Variants in EIF4E2 observed in about 807,000 individuals in gnomAD.
The protein encoded by EIF4E2 is eukaryotic translation initiation factor 4E family member 2.
In EIF4E2, 13 loss-of-function variants were observed where a neutral mutation model predicts 34.2. That is an observed-to-expected ratio of 0.38 (90% CI 0.25 to 0.60). The LOEUF (loss-of-function observed/expected upper bound fraction) is 0.60, where lower values mean the gene tolerates loss of function less well. Among genes scored for constraint, EIF4E2 ranks in the 20% least tolerant of loss-of-function variants. EIF4E2 has a pLI of 0.62. For synonymous variants in EIF4E2, 100 were observed against 106.6 expected (o/e 0.94, Z 0.38); for missense variants, 222 against 315.1 (o/e 0.70, Z 2.24).
At chr2:232,579,364 G>A (rs1279637300) in intron 6 of EIF4E2, among the ~76,000 whole-genome samples, 7 of 152,202 alleles carry the variant, frequency 4.6e-5, no homozygotes, top group Non-Finnish European at 8.8e-5. Flanking sequence ...GAAGTGCTAA[G>A]TAGCCATTGA....
chr2:232,560,396 C>T (rs1692680061), intron 3 of EIF4E2, among the ~76,000 whole-genome samples: 1 of 152,174 alleles, frequency 6.6e-6, no homozygotes, highest in Admixed American at 6.5e-5. Flanking sequence ...TTATAAAATT[C>T]TTAGAAGAAA....
At chr2:232,557,793 G>T in intron 2 of EIF4E2, 91 bp from the exon 3 acceptor site, 1 of 1,396,066 alleles carries the variant, frequency 7.2e-7, no homozygotes, top group Admixed American at 2.0e-5. Context: ...TTTAATTGTG[G>T]AGGTGGTAAG....
chr2:232,570,235 C>T (rs79139432), downstream of EIF4E2, among the ~76,000 whole-genome samples: 5,268 of 152,142 alleles, frequency 0.035, 117 homozygotes, highest in Non-Finnish European at 0.054. Context: ...AGGATTAGCA[C>T]TGTGGGCTCA....
chr2:232,577,665 C>G (rs1022564131), intron 6 of EIF4E2, among the ~76,000 whole-genome samples: 1 of 152,224 alleles, frequency 6.6e-6, no homozygotes, highest in Non-Finnish European at 1.5e-5. Context: ...GGAAGCCAGT[C>G]TGAATGGGGC....
intron 1 of EIF4E2, among the ~76,000 whole-genome samples, chr2:232,553,419 AG>A (rs2106233376): frequency 1.6e-5 from 1 of 61,010 alleles, no homozygotes; most frequent in South Asian, 7.7e-4. Context: ...CATTAAACGG[AG>A]ATTTTTTTTT....
chr2:232,562,010 T>C (rs1354450687), intron 3 of EIF4E2, among the ~76,000 whole-genome samples: 1 of 151,954 alleles, frequency 6.6e-6, no homozygotes, highest in Non-Finnish European at 1.5e-5. Flanking sequence ...AATCCAGGAC[T>C]TCAAGACCAG....
intron 3 of EIF4E2, among the ~76,000 whole-genome samples, chr2:232,559,080 G>A (rs1474870885): frequency 6.7e-6 from 1 of 149,732 alleles, no homozygotes; most frequent in Admixed American, 6.8e-5. Context: ...AGAAACTACG[G>A]GGGAGCGGGG....
At chr2:232,570,008 T>G (rs1693054654), downstream of EIF4E2, among the ~76,000 whole-genome samples, 2 of 152,244 alleles carry the variant, frequency 1.3e-5, no homozygotes, top group Admixed American at 6.5e-5. Context: ...CATGCTACTT[T>G]AGGTTTTCTT....
chr2:232,563,532 A>G (rs1550098), intron 3 of EIF4E2, among the ~76,000 whole-genome samples: 73,636 of 152,082 alleles, frequency 0.48, 18,094 homozygotes, highest in Middle Eastern at 0.62. Flanking sequence ...AAGGAGAAAC[A>G]TAATTTTTCT....
chr2:232,568,380 C>T (rs899148022), intron 6 of EIF4E2: 37 of 985,272 alleles, frequency 3.8e-5, no homozygotes, highest in Non-Finnish European at 3.7e-5. Context: ...ATCATAGTCA[C>T]GAACAGTTAT....
At chr2:232,565,457 A>G (rs1574668873) in intron 4 of EIF4E2, among the ~76,000 whole-genome samples, 1 of 152,034 alleles carries the variant, frequency 6.6e-6, no homozygotes, top group East Asian at 1.9e-4. Context: ...AACATGGTGA[A>G]ACCCCGTCTC....
downstream of EIF4E2, among the ~76,000 whole-genome samples, chr2:232,572,041 T>C (rs1005671039): frequency 2.6e-5 from 4 of 152,208 alleles, no homozygotes; most frequent in African/African-American, 9.6e-5. Flanking sequence ...TCTTTGTTCC[T>C]CTGTCTTTTG....
At chr2:232,558,840 A>C (rs1692614461) in intron 3 of EIF4E2, 1 of 144,106 alleles carries the variant, frequency 6.9e-6, no homozygotes. Flanking sequence ...TGAAATCTCT[A>C]ATAATTGCTT....
intron 6 of EIF4E2, among the ~76,000 whole-genome samples, chr2:232,575,314 G>A (rs1304720809): frequency 1.2e-5 from 1 of 84,546 alleles, no homozygotes; most frequent in Non-Finnish European, 2.9e-5. Flanking sequence ...GAGCTCAGGG[G>A]TGTAGGTATG....
chr2:232,565,032 A>C (rs1260087806), intron 4 of EIF4E2, among the ~76,000 whole-genome samples: 2 of 141,426 alleles, frequency 1.4e-5, no homozygotes, highest in African/African-American at 5.5e-5. Flanking sequence ...AAAGGCAGGA[A>C]CTGGAGACCT....
At chr2:232,578,361 G>C (rs1286665729) in intron 6 of EIF4E2, among the ~76,000 whole-genome samples, 1 of 152,150 alleles carries the variant, frequency 6.6e-6, no homozygotes, top group Admixed American at 6.5e-5. Flanking sequence ...GGCTGGGCAC[G>C]GTGGCTCACG....
At chr2:232,580,028 C>T (rs1044960671) in intron 6 of EIF4E2, among the ~76,000 whole-genome samples, 10 of 151,486 alleles carry the variant, frequency 6.6e-5, no homozygotes, top group Non-Finnish European at 1.3e-4. Context: ...TCAAGCCTGT[C>T]TGCATCCAAT....
chr2:232,568,533 A>T (rs1181949834), intron 6 of EIF4E2: 11 of 985,272 alleles, frequency 1.1e-5, no homozygotes, highest in Non-Finnish European at 1.3e-5. Context: ...GGAGAGATCT[A>T]CACCTGTTTC....
chr2:232,578,625 A>G (rs1055016559), intron 6 of EIF4E2, among the ~76,000 whole-genome samples: 1 of 152,120 alleles, frequency 6.6e-6, no homozygotes, highest in Non-Finnish European at 1.5e-5. Flanking sequence ...CCATCTCAAA[A>G]AAAAAAAAAA....
Sources: gnomAD v4.1 joint callset for allele counts (sites outside exome capture counted in the v4.1 genomes callset) on GRCh38, gnomAD v4.1.1 for gene constraint, MANE v1.5 for transcripts, NCBI Gene and HGNC (gene_info 2026-07-23, HGNC 2026-07-21) for gene names.